The following HRH4 variants were observed in gnomAD, a reference collection of about 807,000 sequenced individuals.
HRH4 encodes histamine H4 receptor.
In HRH4, 12 loss-of-function variants were observed where a neutral mutation model predicts 10.4. The observed-to-expected ratio is 1.15, with a 90% confidence interval of 0.74 to 1.87. HRH4 has a LOEUF of 1.87. Ranked by LOEUF, HRH4 falls within the 40% of genes most tolerant of loss-of-function variation. HRH4 has a pLI of 0.00. For missense variants in HRH4, 415 were observed against 453.3 expected (o/e 0.92, Z 0.77); for synonymous variants, 154 against 166.6 (o/e 0.92, Z 0.58).
At chr18:24,468,506 A>G (rs1909838854) in intron 1 of HRH4, among the ~76,000 whole-genome samples, 1 of 152,166 alleles carries the variant, frequency 6.6e-6, no homozygotes, top group East Asian at 1.9e-4. Context: ...TTTTTTTCCA[A>G]ATATTTTCTA....
rs1264598611 is a variant in HRH4, at chr18:24,477,460, G to C, written c.1071G>C (p.Leu357Phe). 1 of 1,613,858 alleles carries C rather than the reference G, an allele frequency of 6.2e-7. No individual in the cohort carries two copies. Among genetic ancestry groups the C allele is most frequent in the Admixed American group, 1.7e-5 (1 of 59,964 alleles). The change falls in exon 3 of 3, where the codon TTG becomes TTC. Residue 357 changes from leucine to phenylalanine, a missense_variant. Physicochemically the swap from Leu to Phe is conservative, Grantham distance 22 (BLOSUM62 0). Coordinates refer to ENST00000256906, the MANE Select transcript of HRH4 (RefSeq NM_021624.4). ...QWFNSFVNPL[L>F]YPLCHKRFQK... ...TCAATTCCTTTGTCAATCCTCTTTTGTATCCATTGTGTCACAAGCGCTTTC... is the reference window on the plus strand; with the variant it reads ...TCAATTCCTTTGTCAATCCTCTTTTCTATCCATTGTGTCACAAGCGCTTTC...
chr18:24,467,971 A>G (rs570089567), intron 1 of HRH4, among the ~76,000 whole-genome samples: 1 of 152,180 alleles, frequency 6.6e-6, no homozygotes, highest in Non-Finnish European at 1.5e-5. Flanking sequence ...TTGGGGTTAG[A>G]GCATGAAAAA....
At position 24,470,501 on chromosome 18, in the gene HRH4, A is replaced by ATTTTTTTTTTT. The variant is rs200257355; in HGVS notation, c.357+1559_357+1569dup. ...GGTGGTGGGCCACATTTGTTTCTCT[A>ATTTTTTTTTTT]TTTTTTTTTTTTTTTTTTTGGAGAC... On this transcript the variant is annotated intron_variant, in intron 2 of 2. Coordinates refer to ENST00000256906, the MANE Select transcript of HRH4 (RefSeq NM_021624.4). 3.6e-4 allele frequency among the ~76,000 whole-genome samples: 47 copies of ATTTTTTTTTTT among 129,902 alleles called. 2 individuals carry two copies. Among genetic ancestry groups the ATTTTTTTTTTT allele is most frequent in the East Asian group, 8.1e-4 (3 of 3,692 alleles). 85.2% of individuals were successfully genotyped at this position (129,902 alleles called of 152,430 possible).
chr18:24,473,978 G>A (rs993613719), intron 2 of HRH4, among the ~76,000 whole-genome samples: 2 of 2,312 alleles, frequency 8.7e-4, no homozygotes, highest in Non-Finnish European at 2.7e-3. Flanking sequence ...GCCTGGTTCC[G>A]ATTCAAGCAA....
Position 24,476,908 on chromosome 18 carries a change from C to T in HRH4, c.519C>T (p.Tyr173=). The T allele has an allele frequency of 6.2e-7, 1 of 1,614,144 alleles. No homozygotes were observed. Among genetic ancestry groups the T allele is most frequent in the Non-Finnish European group, 8.5e-7 (1 of 1,180,030 alleles). ...AACCTGGATTTTTTTCGGAATGGTA[C>T]ATCCTTGCCATCACATCATTCTTGG... ...ECEPGFFSEW[Y]ILAITSFLEF... Residue 173 remains tyrosine, a synonymous_variant, in exon 3 of 3, where the codon TAC becomes TAT. Transcript: ENST00000256906.
intron 2 of HRH4, among the ~76,000 whole-genome samples, chr18:24,472,558 G>A (rs1039795198): frequency 5.9e-5 from 9 of 152,148 alleles, no homozygotes; most frequent in Admixed American, 3.3e-4. Flanking sequence ...AAATGCAGCC[G>A]TGTGAAAACA....
intron 1 of HRH4, among the ~76,000 whole-genome samples, chr18:24,465,086 A>G (rs930393316): frequency 6.6e-6 from 1 of 152,042 alleles, no homozygotes; most frequent in Non-Finnish European, 1.5e-5. Flanking sequence ...CAGGAGTTCG[A>G]GACCAGCCTG....
chr18:24,471,135 G>T (rs573564752), intron 2 of HRH4, among the ~76,000 whole-genome samples: 4 of 151,828 alleles, frequency 2.6e-5, no homozygotes, highest in African/African-American at 9.7e-5. Context: ...CTTCATTGGC[G>T]CCAGGGACCA....
Position 24,460,678 on chromosome 18 carries a change from TTGTC to T in HRH4, c.-48_-45del, listed in dbSNP as rs760711922. ...TGATTAGAAAACATACTTGTCAGAA[TTGTC>T]TGGCTGGATTAATTTGCTAATTTGA... On this transcript the variant is annotated 5_prime_UTR_variant, in exon 1 of 3. Transcript: ENST00000256906. 2.4e-6 allele frequency: 3 copies of T among 1,229,778 alleles called. No individual in the cohort carries two copies. Among genetic ancestry groups the T allele is most frequent in the South Asian group, 3.7e-5 (2 of 53,752 alleles). The allele number at this position is 1,229,778 out of a possible 1,614,324, so 76.2% of individuals were successfully genotyped here. A position where few individuals can be genotyped will look rare whatever the true frequency, so the allele number is the denominator to read the frequency against.
In HRH4 at chr18:24,477,031, T is replaced by A. The variant is rs779530887; in HGVS notation, c.642T>A (p.Pro214=). Residue 214 remains proline (P), a synonymous_variant, in exon 3 of 3, where the codon CCT becomes CCA. Transcript: ENST00000256906. The stretch of plus-strand genomic sequence containing the variant: ...ATCTCAGTAGGTGCCAAAGCCATCC[T>A]GGACTGACTGCTGTCTCTTCCAACA... The part of the protein sequence containing the change: ...RDHLSRCQSH[P]GLTAVSSNIC... The A allele has an allele frequency of 6.2e-6, 10 of 1,614,128 alleles. No homozygotes were observed. The highest frequency in any genetic ancestry group is 8.5e-6 in the Non-Finnish European group (10 of 1,180,044).
intron 1 of HRH4, among the ~76,000 whole-genome samples, chr18:24,466,751 C>T (rs1042982587): frequency 6.6e-6 from 1 of 151,982 alleles, no homozygotes; most frequent in Non-Finnish European, 1.5e-5. Flanking sequence ...ATTTGGTTCT[C>T]ATGAAAAAAT....
At chr18:24,474,300 CA>C (rs909510336) in intron 2 of HRH4, among the ~76,000 whole-genome samples, 1 of 151,320 alleles carries the variant, frequency 6.6e-6, no homozygotes, top group Non-Finnish European at 1.5e-5. Flanking sequence ...AGCTCATGGT[CA>C]GCACCATATG....
At chr18:24,462,132 C>T (rs143894942) in intron 1 of HRH4, among the ~76,000 whole-genome samples, 1 of 152,230 alleles carries the variant, frequency 6.6e-6, no homozygotes, top group African/African-American at 2.4e-5. Flanking sequence ...ATTCTTTGCT[C>T]CAAGAATGAG....
chr18:24,469,070 C>T, intron 2 of HRH4, 119 bp downstream of exon 2: 1 of 712,098 alleles, frequency 1.4e-6, no homozygotes. Flanking sequence ...TTAGAGGAAC[C>T]CTATCCTTTT....
rs1406233793 is a variant in HRH4 at position 24,478,185 on chromosome 18, C to G, written c.*623C>G. ...TTGGAGGCCCTGGTGGTCACAGGAT[C>G]AGAAGGCAAGGGATAGGCAGTGGTC... On this transcript the variant is annotated 3_prime_UTR_variant, in exon 3 of 3. Transcript: ENST00000256906. 3 of 152,270 alleles carry G rather than the reference C, an allele frequency of 2.0e-5. No individual in the cohort carries two copies. The highest frequency in any genetic ancestry group is 4.4e-5 in the Non-Finnish European group (3 of 68,072). The allele number at this position is 152,270 out of a possible 1,614,324, so 9.4% of individuals were successfully genotyped here. A position where few individuals can be genotyped will look rare whatever the true frequency, so the allele number is the denominator to read the frequency against.
rs2144388579 is a variant in HRH4 at position 24,478,728 on chromosome 18, A to G, written c.*1166A>G. 1 of 152,376 alleles carries G rather than the reference A, an allele frequency of 6.6e-6. No homozygotes were observed. The highest frequency in any genetic ancestry group is 1.9e-4 in the East Asian group (1 of 5,186). The allele number at this position is 152,376 out of a possible 1,614,324, so 9.4% of individuals were successfully genotyped here. ...TGCTCTGTCTCCCAGGCTGGAGCGT[A>G]GTAATGCAATCATAGCTCACTGCAG... On this transcript the variant is annotated 3_prime_UTR_variant, in exon 3 of 3. Coordinates refer to ENST00000256906, the MANE Select transcript of HRH4 (RefSeq NM_021624.4).
intron 2 of HRH4, among the ~76,000 whole-genome samples, chr18:24,471,595 A>C (rs1236036210): frequency 7.5e-6 from 1 of 133,810 alleles, no homozygotes; most frequent in Non-Finnish European, 1.6e-5. Context: ...TGTCGCAGCA[A>C]GACTCCATCT....
chr18:24,464,805 A>G (rs1909731386), intron 1 of HRH4, among the ~76,000 whole-genome samples: 1 of 152,126 alleles, frequency 6.6e-6, no homozygotes, highest in Non-Finnish European at 1.5e-5. Context: ...TGCCCTCATG[A>G]TGCTTCTGTT....
chr18:24,479,223 C>T lies in HRH4; in HGVS notation c.*1661C>T, dbSNP rs1910241219. 6.6e-6 allele frequency: 1 copy of T among 152,160 alleles called. No individual in the cohort carries two copies. The highest frequency in any genetic ancestry group is 2.4e-5 in the African/African-American group (1 of 41,428). The allele number at this position is 152,160 out of a possible 1,614,324, so 9.4% of individuals were successfully genotyped here. ...TCCTGGGCTGAAACAATCCTCCCGC[C>T]TTGGCCTCCCAAAGTGCTGGGATTA... On this transcript the variant is annotated 3_prime_UTR_variant, in exon 3 of 3. Transcript: ENST00000256906.
Sources: allele counts gnomAD v4.1 joint callset (sites outside exome capture counted in the v4.1 genomes callset), GRCh38; gene constraint gnomAD v4.1.1; transcripts MANE v1.5; gene names NCBI Gene and HGNC (gene_info 2026-07-23, HGNC 2026-07-21).